The following BLTP1 variants were observed in gnomAD, a reference collection of about 807,000 sequenced individuals.
BLTP1 encodes the protein bridge-like lipid transfer protein family member 1.
At chr4:122,281,374 T>C in the BLTP1 span, 1 of 981,526 alleles carries the variant, frequency 1.0e-6, no homozygotes, top group Non-Finnish European at 1.2e-6. Flanking sequence ...TCATCATTGT[T>C]CAACAGGTGT....
the BLTP1 span, among the ~76,000 whole-genome samples, chr4:122,310,377 TAATG>T: frequency 2.0e-5 from 3 of 152,100 alleles, no homozygotes; most frequent in Admixed American, 6.6e-5. Flanking sequence ...AAAGACCAAT[TAATG>T]AGAGAAAAGC....
chr4:122,323,519 G>C, the BLTP1 span, among the ~76,000 whole-genome samples: 25 of 151,272 alleles, frequency 1.7e-4, no homozygotes, highest in African/African-American at 5.3e-4. Context: ...CAGAGCTGCA[G>C]GTGTCAAAGG....
chr4:122,233,862 T>C, the BLTP1 span, among the ~76,000 whole-genome samples: 2 of 152,220 alleles, frequency 1.3e-5, no homozygotes, highest in Non-Finnish European at 2.9e-5. Flanking sequence ...AAACTTCATA[T>C]GGATAAGGAC....
At chr4:122,359,926 A>G in the BLTP1 span, 1 of 985,404 alleles carries the variant, frequency 1.0e-6, no homozygotes, top group Non-Finnish European at 1.2e-6. Context: ...AATGTTGAGA[A>G]TAGCTCAGCA....
chr4:122,279,917 A>G, the BLTP1 span: 1 of 1,614,140 alleles, frequency 6.2e-7, no homozygotes, highest in Non-Finnish European at 8.5e-7. Context: ...ACATAGCATG[A>G]TGGTTCGAAG....
chr4:122,159,317 G>T, the BLTP1 span, among the ~76,000 whole-genome samples: 1 of 151,926 alleles, frequency 6.6e-6, no homozygotes, highest in Non-Finnish European at 1.5e-5. Flanking sequence ...CAAAAAATTA[G>T]CCGGGCGTGG....
At chr4:122,162,735 CA>C in the BLTP1 span, 224,023 of 715,380 alleles carry the variant, frequency 0.31, 32,759 homozygotes, top group East Asian at 0.45. Flanking sequence ...ACAACAACAA[CA>C]AAAAAAAAAC....
chr4:122,238,024 T>C, the BLTP1 span: 1 of 1,507,544 alleles, frequency 6.6e-7, no homozygotes, highest in African/African-American at 1.4e-5. Flanking sequence ...ATGGATTAGA[T>C]TGCCATGTTT....
the BLTP1 span, chr4:122,302,067 C>T: frequency 4.5e-6 from 1 of 223,636 alleles, no homozygotes; most frequent in South Asian, 1.6e-4. Context: ...TGAGACCTGT[C>T]TTAAAAAACA....
the BLTP1 span, among the ~76,000 whole-genome samples, chr4:122,329,705 C>T: frequency 2.6e-5 from 4 of 151,646 alleles, no homozygotes. Flanking sequence ...TCCAGATATA[C>T]AATTTGATAA....
At chr4:122,278,271 A>G in the BLTP1 span, among the ~76,000 whole-genome samples, 3 of 152,206 alleles carry the variant, frequency 2.0e-5, no homozygotes, top group Admixed American at 6.5e-5. Flanking sequence ...GCTAATGAAC[A>G]GAGGGGTCCC....
the BLTP1 span, chr4:122,183,372 A>G: frequency 1.1e-6 from 1 of 921,790 alleles, no homozygotes; most frequent in East Asian, 1.2e-4. Context: ...TTTAAGATTT[A>G]CATTCTGCAC....
the BLTP1 span, among the ~76,000 whole-genome samples, chr4:122,320,014 A>AT: frequency 6.6e-6 from 1 of 152,134 alleles, no homozygotes; most frequent in Non-Finnish European, 1.5e-5. Context: ...GAGTTCAACT[A>AT]TGTCCTTATT....
the BLTP1 span, among the ~76,000 whole-genome samples, chr4:122,326,164 A>G: frequency 2.6e-5 from 4 of 151,866 alleles, no homozygotes; most frequent in East Asian, 5.8e-4. Flanking sequence ...ATCATAAAAA[A>G]AACTACAATT....
chr4:122,276,011 A>G, the BLTP1 span: 5 of 1,586,204 alleles, frequency 3.2e-6, no homozygotes, highest in South Asian at 2.4e-5. Flanking sequence ...GTACAGCCAA[A>G]CAAGAGTTTC....
chr4:122,260,078 C>A, the BLTP1 span: 1 of 238,634 alleles, frequency 4.2e-6, no homozygotes, highest in Non-Finnish European at 6.8e-6. Flanking sequence ...TGTACTTACA[C>A]AAACCTAGAT....
the BLTP1 span, chr4:122,207,372 T>TC: frequency 1.5e-6 from 2 of 1,372,370 alleles, no homozygotes; most frequent in Non-Finnish European, 2.0e-6. Context: ...AGAAGTTATT[T>TC]CCCCCCATTA....
chr4:122,197,288 GT>G, the BLTP1 span: 1 of 1,432,742 alleles, frequency 7.0e-7, no homozygotes. Context: ...AGCTGCAACT[GT>G]TACTTTTCTT....
chr4:122,183,009 A>G, the BLTP1 span: 2 of 985,024 alleles, frequency 2.0e-6, no homozygotes, highest in African/African-American at 1.7e-5. Context: ...GTAATATTTC[A>G]TGATCAAATG....
Sources: allele counts gnomAD v4.1 joint callset (sites outside exome capture counted in the v4.1 genomes callset), GRCh38; gene constraint gnomAD v4.1.1; transcripts MANE v1.5; gene names NCBI Gene and HGNC (gene_info 2026-07-23, HGNC 2026-07-21).